POMT1: variants seen among roughly 807,000 people sequenced by gnomAD.
POMT1 encodes the protein protein O-mannosyltransferase 1.
A neutral mutation model predicts 101.6 loss-of-function variants in POMT1; 85 were observed. The ratio of observed to expected loss-of-function variants is 0.84; its 90% CI spans 0.70 to 1.00. POMT1 has a LOEUF of 1.00. Among genes scored for constraint, POMT1 ranks in the 50% least tolerant of loss-of-function variants. The pLI, the probability that POMT1 is intolerant of heterozygous loss-of-function variation, is 0.00. For synonymous variants in POMT1, 371 were observed against 383.0 expected (o/e 0.97, Z 0.37); for missense variants, 857 against 930.4 (o/e 0.92, Z 1.03).
At chr9:131,505,451 A>T (rs983533678) in intron 2 of POMT1, among the ~76,000 whole-genome samples, 17 of 151,508 alleles carry the variant, frequency 1.1e-4, no homozygotes, top group Non-Finnish European at 2.4e-4. Flanking sequence ...TTAGTAGAGA[A>T]GGGGTTTCAC....
chr9:131,507,202 C>A, intron 4 of POMT1, 166 bp from the exon 5 acceptor site: 1 of 917,616 alleles, frequency 1.1e-6, no homozygotes, highest in Non-Finnish European at 1.7e-6. Flanking sequence ...AATTTCAAAG[C>A]CTTCACCCAT....
At chr9:131,509,433 G>C (rs1946606931) in intron 6 of POMT1, among the ~76,000 whole-genome samples, 1 of 152,246 alleles carries the variant, frequency 6.6e-6, no homozygotes, top group African/African-American at 2.4e-5. Context: ...TTACAGGTGT[G>C]AGCCTCTGCG....
Position 131,522,286 on chromosome 9 carries a change from C to G in POMT1, c.2003+62C>G. 1 of 1,603,572 alleles carries G rather than the reference C, an allele frequency of 6.2e-7. No individual in the cohort carries two copies. The highest frequency in any genetic ancestry group is 8.5e-7 in the Non-Finnish European group (1 of 1,178,982). On this transcript the variant is annotated intron_variant, in intron 19 of 19. Transcript: ENST00000402686. The surrounding 1 kb of genome is among the most constrained non-coding windows in gnomAD (Gnocchi z 5.5). ...GCAGCCCTCTGCTGGGAAGCCCATG[C>G]GCAGCAAACACATGGGGTGCAGCGA...
At chr9:131,520,055 C>A in intron 16 of POMT1, 25 bp from the exon 17 acceptor site, 1 of 1,594,344 alleles carries the variant, frequency 6.3e-7, no homozygotes, top group Non-Finnish European at 8.6e-7. Context: ...CATCCTCAAT[C>A]TCAGAGGCCT....
chr9:131,519,401 G>A lies in POMT1; in HGVS notation c.1499G>A (p.Arg500Lys), dbSNP rs117985576. ...TCTGTTCTGCCAGGCCAGGAGCAGAGGGAGCGGGAACGGGAGCTGCACTCA... is the reference window on the plus strand; with the variant it reads ...TCTGTTCTGCCAGGCCAGGAGCAGAAGGAGCGGGAACGGGAGCTGCACTCA... ...EHRYGASQEQ[R>K]ERERELHSPA... The change falls in exon 16 of 20, where the codon AGG becomes AAG. Residue 500 changes from arginine (R) to lysine (K), a missense_variant. Physicochemically the swap from Arg to Lys is conservative, Grantham distance 26 (BLOSUM62 2). Coordinates refer to ENST00000402686, the MANE Select transcript of POMT1 (RefSeq NM_001077365.2). This position sits in a 1 kb window ranked among gnomAD's most constrained non-coding sequence, Gnocchi z 4.3. 3,960 of 1,552,060 alleles carry A rather than the reference G, an allele frequency of 2.6e-3. 17 individuals are homozygous for A. Among genetic ancestry groups the A allele is most frequent in the Non-Finnish European group, 3.2e-3 (3,684 of 1,147,240 alleles).
In POMT1 at chr9:131,518,967, C is replaced by A; in HGVS notation, c.1486+10C>A. 6.2e-7 allele frequency: 1 copy of A among 1,613,264 alleles called. No individual in the cohort carries two copies. The highest frequency in any genetic ancestry group is 8.5e-7 in the Non-Finnish European group (1 of 1,180,024). ...CACCGATACGGCGCGAGTGAGTCCG[C>A]GGCGTGGCTTCCGCCGCTCCTGGAA... On this transcript the variant is annotated intron_variant, in intron 15 of 19. Coordinates refer to ENST00000402686, the MANE Select transcript of POMT1 (RefSeq NM_001077365.2).
chr9:131,523,430 A>G lies in POMT1; in HGVS notation c.*324A>G, dbSNP rs982844612. On this transcript the variant is annotated 3_prime_UTR_variant, in exon 20 of 20. Transcript: ENST00000402686. ...CCAGGGCCAGCAGTGGAGCCTCAGC[A>G]GACCAGGGCCTGGTCCTTGCTAACT... 2 of 377,922 alleles carry G rather than the reference A, an allele frequency of 5.3e-6. No individual in the cohort carries two copies. The highest frequency in any genetic ancestry group is 4.2e-5 in the African/African-American group (2 of 47,904). The allele number at this position is 377,922 out of a possible 1,614,324, so 23.4% of individuals were successfully genotyped here. A position where few individuals can be genotyped will look rare whatever the true frequency, so the allele number is the denominator to read the frequency against.
chr9:131,506,927 C>T (rs889195441), intron 4 of POMT1, among the ~76,000 whole-genome samples: 17 of 151,968 alleles, frequency 1.1e-4, no homozygotes, highest in East Asian at 3.9e-4. Flanking sequence ...ATTAGCCGGG[C>T]GTGGTGGCGG....
chr9:131,504,609 A>T (rs1353831722), intron 2 of POMT1, among the ~76,000 whole-genome samples: 1 of 152,144 alleles, frequency 6.6e-6, no homozygotes, highest in Non-Finnish European at 1.5e-5. Flanking sequence ...CTTAAGTAAC[A>T]GTTTTAAAGT....
At position 131,511,860 on chromosome 9, in the gene POMT1, G is replaced by A. The variant is rs913128643; in HGVS notation, c.987-181G>A. On this transcript the variant is annotated intron_variant, in intron 10 of 19. Transcript: ENST00000402686. ...CGATCGATGACCCACTTCCAGATAC[G>A]TTTCTTTCCCTTTCTTTTCTTTTTC... The A allele has an allele frequency of 1.2e-4, 84 of 675,178 alleles. No individual in the cohort carries two copies. In the African/African-American group the frequency reaches 1.3e-3, roughly 10 times the overall value. The allele number at this position is 675,178 out of a possible 1,614,324, so 41.8% of individuals were successfully genotyped here.
chr9:131,522,622 G>C lies in POMT1; in HGVS notation c.2004-310G>C, dbSNP rs1950179522. The stretch of plus-strand genomic sequence containing the variant: ...TAAACCAGAGTGTGTTTGGAGGTTG[G>C]AGCAGAGGGCGAGGGCCTCCCGGTT... On this transcript the variant is annotated intron_variant, in intron 19 of 19. Transcript: ENST00000402686. The surrounding 1 kb of genome is among the most constrained non-coding windows in gnomAD (Gnocchi z 5.5). The C allele has an allele frequency of 1.8e-6, 1 of 540,696 alleles. No individual in the cohort carries two copies. The allele number at this position is 540,696 out of a possible 1,614,324, so 33.5% of individuals were successfully genotyped here.
chr9:131,511,257 A>AG, intron 9 of POMT1, 80 bp from the exon 10 acceptor site: 1 of 1,440,606 alleles, frequency 6.9e-7, no homozygotes, highest in South Asian at 1.3e-5. Context: ...CCCCAGAGGG[A>AG]GGAGTGGCCA....
chr9:131,510,203 G>C, intron 8 of POMT1, 57 bp from the exon 9 acceptor site: 2 of 1,612,982 alleles, frequency 1.2e-6, no homozygotes, highest in South Asian at 1.1e-5. Context: ...ACAATGTCTA[G>C]AGGTGGGTAC....
chr9:131,515,633 A>G, intron 13 of POMT1, 111 bp downstream of exon 13: 1 of 929,972 alleles, frequency 1.1e-6, no homozygotes, highest in South Asian at 1.3e-5. Flanking sequence ...TCCTAACAGA[A>G]CACTTCATCA....
intron 2 of POMT1, 63 bp from the exon 3 acceptor site, chr9:131,506,051 C>A: frequency 6.2e-7 from 1 of 1,601,832 alleles, no homozygotes; most frequent in South Asian, 1.1e-5. Flanking sequence ...TTTATCCTCA[C>A]AGTTTTTGTT....
chr9:131,509,986 C>CT lies in POMT1; in HGVS notation c.692dup (p.Leu231PhefsTer101). The CT allele has an allele frequency of 6.2e-7, 1 of 1,614,224 alleles. No individual in the cohort carries two copies. The highest frequency in any genetic ancestry group is 8.5e-7 in the Non-Finnish European group (1 of 1,180,038). ...GCCTGGCACCTGCTTGGAGACCAGA[C>CT]TTTGTCCAATGTAGGTGCTGATGTC... On this transcript the variant is annotated frameshift_variant, in exon 8 of 20. Transcript: ENST00000402686. LOFTEE classifies it high-confidence loss of function.
Position 131,504,270 on chromosome 9 carries a change from A to C in POMT1, c.52A>C (p.Ser18Arg), listed in dbSNP as rs779386306. The C allele has an allele frequency of 3.7e-6, 6 of 1,613,930 alleles. No individual in the cohort carries two copies. The Admixed American group carries it at 1.0e-4, about 27-fold the overall frequency. Residue 18 changes from serine to arginine, a missense_variant, in exon 2 of 20, where the codon AGC becomes CGC. Transcript: ENST00000402686. ...PVVVTADINL[S>R]LVALTGMGLL... ...AGTGGTGACGGCTGACATCAACTTG[A>C]GCCTTGTGGCCCTGACTGGGATGGG...
chr9:131,514,531 A>G (rs1947865451), intron 12 of POMT1, among the ~76,000 whole-genome samples: 1 of 152,210 alleles, frequency 6.6e-6, no homozygotes, highest in Non-Finnish European at 1.5e-5. Flanking sequence ...CGCTCTGCCC[A>G]CCGGCATGAT....
In POMT1 at chr9:131,523,318, A is replaced by C; in HGVS notation, c.*212A>C. 1.6e-6 allele frequency: 1 copy of C among 628,230 alleles called. No individual in the cohort carries two copies. The allele number at this position is 628,230 out of a possible 1,614,324, so 38.9% of individuals were successfully genotyped here. On this transcript the variant is annotated 3_prime_UTR_variant, in exon 20 of 20. Transcript: ENST00000402686. ...AGTTAATTTTTTCTCGACAATAAAG[A>C]TATTCCGTGTCTTTACCCCTGAACT... is the stretch of plus-strand genomic sequence containing the variant.
Sources: gnomAD v4.1 joint callset for allele counts (sites outside exome capture counted in the v4.1 genomes callset) on GRCh38, gnomAD v4.1.1 for gene constraint, Gnocchi (gnomAD v3.1) non-coding constraint, MANE v1.5 for transcripts, NCBI Gene and HGNC (gene_info 2026-07-23, HGNC 2026-07-21) for gene names.